Variants in XPC observed in about 807,000 individuals in gnomAD.
XPC encodes XPC complex subunit, DNA damage recognition and repair factor, also known as DNA repair protein complementing XP-C cells.
A neutral mutation model predicts 95.8 loss-of-function variants in XPC; 76 were observed. That is an observed-to-expected ratio of 0.79 (90% CI 0.66 to 0.96). XPC has a LOEUF of 0.96. Among genes scored for constraint, XPC ranks in the 40% least tolerant of loss-of-function variants. XPC has a pLI of 0.00. For synonymous variants in XPC, 442 were observed against 442.1 expected (o/e 1.00, Z 0.00); for missense variants, 1,146 against 1,179.8 (o/e 0.97, Z 0.42).
Position 14,146,123 on chromosome 3 carries a change from C to T in XPC, c.2641G>A (p.Gly881Arg), listed in dbSNP as rs778990208. 18 of 1,611,010 alleles carry T rather than the reference C, an allele frequency of 1.1e-5. No homozygotes were observed. The Admixed American group carries it at 1.2e-4, about 10-fold the overall frequency. ...CCCTCCTCTTCATCAGAAGAGAGTC[C>T]ACCTCCTGCATCTGTGTGGGGAGCT... ...AAAPHTDAGG[G>R]LSSDEEEGTS... Residue 881 changes from glycine (G) to arginine (R), a missense_variant, in exon 16 of 16, where the codon GGA becomes AGA. By Grantham distance (125) the Gly-to-Arg change is moderately radical. Coordinates refer to ENST00000285021, the MANE Select transcript of XPC (RefSeq NM_004628.5).
chr3:14,156,426 C>A lies in XPC; in HGVS notation c.1942G>T (p.Ala648Ser), dbSNP rs1332080043. 9.3e-6 allele frequency: 15 copies of A among 1,614,032 alleles called. No individual in the cohort carries two copies. The highest frequency in any genetic ancestry group is 1.3e-5 in the Non-Finnish European group (15 of 1,179,894). The change falls in exon 10 of 16, where the codon GCC (alanine) becomes TCC (serine). Residue 648 changes from alanine (A) to serine (S), a missense_variant. Coordinates refer to ENST00000285021, the MANE Select transcript of XPC (RefSeq NM_004628.5). ...TATTTCAGGAGATGCCGCTTCAGGG[C>A]ATACAGAGGGTGGTTCTTATATAAG... ...IGLYKNHPLY[A>S]LKRHLLKYEA...
At chr3:14,157,275 G>A (rs1472735687) in intron 9 of XPC, among the ~76,000 whole-genome samples, 1 of 151,960 alleles carries the variant, frequency 6.6e-6, no homozygotes, top group African/African-American at 2.4e-5. Flanking sequence ...ACTCAATATG[G>A]GATGCATTGC....
At chr3:14,149,089 C>T in intron 11 of XPC, 141 bp from the exon 12 acceptor site, 11 of 994,152 alleles carry the variant, frequency 1.1e-5, no homozygotes, top group Non-Finnish European at 1.3e-5. Context: ...CTTTTTCTCC[C>T]TTTTTTTTTT....
At position 14,146,095 on chromosome 3, in the gene XPC, G is replaced by T; in HGVS notation, c.2669C>A (p.Thr890Asn). 6.2e-7 allele frequency: 1 copy of T among 1,611,938 alleles called. No individual in the cohort carries two copies. The highest frequency in any genetic ancestry group is 8.5e-7 in the Non-Finnish European group (1 of 1,179,396). Residue 890 changes from threonine (T) to asparagine (N), a missense_variant, in exon 16 of 16, where the codon ACC becomes AAC. By Grantham distance (65) the Thr-to-Asn change is moderately conservative (BLOSUM62 0). Transcript: ENST00000285021. The stretch of plus-strand genomic sequence containing the variant: ...CCTGGCCGCTTCTGCTTGAGAGCTG[G>T]TCCCCTCCTCTTCATCAGAAGAGAG... The part of the protein sequence containing the change: ...GGLSSDEEEG[T>N]SSQAEAARIL...
At chr3:14,156,637 G>T in intron 9 of XPC, 142 bp from the exon 10 acceptor site, 1 of 1,116,512 alleles carries the variant, frequency 9.0e-7, no homozygotes, top group Non-Finnish European at 1.3e-6. Flanking sequence ...TTGTAACATC[G>T]CATCTGTACC....
intron 7 of XPC, among the ~76,000 whole-genome samples, chr3:14,164,033 A>C (rs916801266): frequency 2.0e-5 from 3 of 152,268 alleles, no homozygotes; most frequent in Non-Finnish European, 4.4e-5. Context: ...TAGGCGGCAG[A>C]GAGAGACTCT....
At chr3:14,147,197 A>G (rs1384784705) in intron 15 of XPC, 93 bp downstream of exon 15, 1 of 1,311,886 alleles carries the variant, frequency 7.6e-7, no homozygotes, top group East Asian at 2.5e-5. Context: ...CCCTGACTTG[A>G]GGCTGGGGCA....
intron 9 of XPC, 128 bp downstream of exon 9, chr3:14,157,883 T>G (rs1574960979): frequency 1.5e-6 from 2 of 1,325,970 alleles, no homozygotes. Flanking sequence ...TATATGGCTG[T>G]GACAATTAAA....
chr3:14,166,299 A>C, intron 5 of XPC, among the ~76,000 whole-genome samples: 1 of 149,238 alleles, frequency 6.7e-6, no homozygotes, highest in East Asian at 2.0e-4. Context: ...CCTTTCTTTC[A>C]CCTCCAGCAC....
intron 5 of XPC, 120 bp downstream of exon 5, chr3:14,167,049 C>T: frequency 2.4e-6 from 2 of 836,418 alleles, no homozygotes; most frequent in South Asian, 2.4e-5. Context: ...TGCAAAGGCT[C>T]AGAGAGAGTA....
chr3:14,167,104 C>T (rs902460593), intron 5 of XPC, 65 bp downstream of exon 5: 1 of 1,408,352 alleles, frequency 7.1e-7, no homozygotes, highest in Non-Finnish European at 9.5e-7. Flanking sequence ...GAAATAAAGC[C>T]TCGGTGAGCA....
chr3:14,168,251 GCTTAC>G lies in XPC; in HGVS notation c.536+1_536+5del, dbSNP rs1696465887. The G allele has an allele frequency of 6.2e-7, 1 of 1,609,680 alleles. No homozygotes were observed. The highest frequency in any genetic ancestry group is 1.3e-5 in the African/African-American group (1 of 74,580). ...CAGGAGCCTAGAAGCAAGGGCCTAA[GCTTAC>G]CTTCTTTCTCTTGTCTTCGCCTGCT... On this transcript the variant is annotated splice_donor_variant and splice_donor_5th_base_variant and intron_variant, in intron 4 of 15. Coordinates refer to ENST00000285021, the MANE Select transcript of XPC (RefSeq NM_004628.5). LOFTEE classifies it high-confidence loss of function.
chr3:14,175,311 G>C (rs1696768273), intron 1 of XPC, among the ~76,000 whole-genome samples: 1 of 152,176 alleles, frequency 6.6e-6, no homozygotes, highest in African/African-American at 2.4e-5. Context: ...CCATTTAGCT[G>C]CCTCTCCCCC....
At chr3:14,162,326 C>A (rs1696197900) in intron 7 of XPC, among the ~76,000 whole-genome samples, 1 of 152,114 alleles carries the variant, frequency 6.6e-6, no homozygotes, top group African/African-American at 2.4e-5. Context: ...CCCAGATAAC[C>A]AAAGCACACT....
chr3:14,170,526 C>CTT lies in XPC; in HGVS notation c.322_323dup (p.Ala109ArgfsTer5). On this transcript the variant is annotated frameshift_variant, in exon 3 of 16. Coordinates refer to ENST00000285021, the MANE Select transcript of XPC (RefSeq NM_004628.5). LOFTEE classifies it high-confidence loss of function. Reference sequence around the variant, plus strand: ...TAGCCCCTCTCTTCAGATGGTGTGCCTTCTTGAGGTCACTTGGAAAGTCCC... The same window carrying CTT: ...TAGCCCCTCTCTTCAGATGGTGTGCCTTTTCTTGAGGTCACTTGGAAAGTCCC... The CTT allele has an allele frequency of 6.2e-7, 1 of 1,612,950 alleles. No individual in the cohort carries two copies. The highest frequency in any genetic ancestry group is 8.5e-7 in the Non-Finnish European group (1 of 1,179,348).
intron 4 of XPC, 63 bp from the exon 5 acceptor site, chr3:14,167,316 C>G: frequency 1.4e-6 from 2 of 1,390,564 alleles, no homozygotes; most frequent in Non-Finnish European, 2.0e-6. Flanking sequence ...TCCACTCCCC[C>G]AGGCAATTCC....
intron 2 of XPC, 179 bp from the exon 3 acceptor site, chr3:14,170,729 A>G: frequency 2.0e-6 from 1 of 494,290 alleles, no homozygotes; most frequent in Non-Finnish European, 3.6e-6. Flanking sequence ...AAATCTCATC[A>G]AGATGTGCTC....
At position 14,148,438 on chromosome 3, in the gene XPC, A is replaced by G. The variant is rs553353898; in HGVS notation, c.2420+124T>C. ...ACTGACTTTGCAAATCCAGTGTAAC[A>G]TCCTGAAAATTGGAGCCACCAGGCC... On this transcript the variant is annotated intron_variant, in intron 13 of 15. Coordinates refer to ENST00000285021, the MANE Select transcript of XPC (RefSeq NM_004628.5). The G allele has an allele frequency of 2.2e-6, 3 of 1,337,062 alleles. No individual in the cohort carries two copies. In the Admixed American group the frequency reaches 8.1e-5, roughly 36 times the overall value. 82.8% of individuals were successfully genotyped at this position (1,337,062 alleles called of 1,614,324 possible).
At chr3:14,165,291 A>G (rs1268414678) in intron 6 of XPC, 137 bp downstream of exon 6, 90 of 1,196,728 alleles carry the variant, frequency 7.5e-5, no homozygotes, top group Non-Finnish European at 1.5e-5. Flanking sequence ...GCATTTCTCT[A>G]TCTTCAATGC....
Sources: allele counts gnomAD v4.1 joint callset (sites outside exome capture counted in the v4.1 genomes callset), GRCh38; gene constraint gnomAD v4.1.1; transcripts MANE v1.5; gene names NCBI Gene and HGNC (gene_info 2026-07-23, HGNC 2026-07-21).